RGS22: variants seen among roughly 807,000 people sequenced by gnomAD.
RGS22 encodes regulator of G protein signaling 22.
RGS22 carries 148 observed loss-of-function variants against 172.9 expected under a neutral mutation model. The ratio of observed to expected loss-of-function variants is 0.86; its 90% CI spans 0.75 to 0.98. RGS22 has a LOEUF of 0.98. RGS22 is among the 50% of genes least tolerant of loss of function. RGS22 has a pLI of 0.00. For synonymous variants in RGS22, 458 were observed against 480.2 expected, an observed-to-expected ratio of 0.95 and a Z score of 0.60; for missense variants, 1,347 against 1,440.8, an observed-to-expected ratio of 0.93 and a Z score of 1.05.
Position 99,996,472 on chromosome 8 carries a change from C to A in RGS22, c.3008G>T (p.Gly1003Val), listed in dbSNP as rs1168358419. ...LLLQKAEKKI[G>V]VWKPVESKWI... ...ACAAACATTACTTGCCTTCCAGACC[C>A]CGATTTTCTTTTCAGCCTTCTGTAG... The change falls in exon 20 of 28, where the codon GGG becomes GTG. Residue 1003 changes from glycine to valine, a missense_variant. Transcript: ENST00000360863. 6.2e-7 allele frequency: 1 copy of A among 1,613,084 alleles called. No individual in the cohort carries two copies. Among genetic ancestry groups the A allele is most frequent in the East Asian group, 2.2e-5 (1 of 44,830 alleles).
chr8:100,046,709 C>A (rs192970868), intron 11 of RGS22, among the ~76,000 whole-genome samples: 19 of 151,070 alleles, frequency 1.3e-4, no homozygotes, highest in African/African-American at 4.6e-4. Context: ...CAGCCAAAAC[C>A]CAGAGAATAA....
At chr8:100,071,325 T>G (rs1371506377) in intron 6 of RGS22, 44 bp downstream of exon 6, 1 of 1,464,714 alleles carries the variant, frequency 6.8e-7, no homozygotes, top group Non-Finnish European at 9.2e-7. Context: ...AAATCAGAAG[T>G]GTTAGTGAAG....
Position 100,045,767 on chromosome 8 carries a change from T to G in RGS22, c.1823+1696A>C, listed in dbSNP as rs142469555. ...TATTAATTGTTGAATTAATGTTGAA[T>G]AATTCAACTTTTCTCTCAACTCATG... On this transcript the variant is annotated intron_variant, in intron 11 of 27. Transcript: ENST00000360863. Among the ~76,000 whole-genome samples the G allele has an allele frequency of 2.7e-3, 403 of 151,370 alleles. 2 individuals carry two copies. Among genetic ancestry groups the G allele is most frequent in the African/African-American group, 9.4e-3 (390 of 41,416 alleles).
chr8:100,103,630 G>T (rs1037262052), intron 2 of RGS22, among the ~76,000 whole-genome samples: 1 of 132,904 alleles, frequency 7.5e-6, no homozygotes, highest in African/African-American at 2.5e-5. Context: ...TGGAGATGTG[G>T]AAGTCCCACG....
intron 14 of RGS22, among the ~76,000 whole-genome samples, chr8:100,036,517 A>G (rs907871898): frequency 1.3e-5 from 2 of 152,190 alleles, no homozygotes; most frequent in African/African-American, 4.8e-5. Context: ...AAAATCATGT[A>G]AGTCTCTTGA....
intron 20 of RGS22, among the ~76,000 whole-genome samples, chr8:99,989,508 T>C (rs1344648809): frequency 2.6e-5 from 4 of 152,214 alleles, no homozygotes; most frequent in African/African-American, 7.2e-5. Context: ...TAAGGATGCC[T>C]GAGAGCAGCG....
chr8:100,072,103 T>C (rs1811027153), intron 5 of RGS22, 42 bp downstream of exon 5: 1 of 1,163,718 alleles, frequency 8.6e-7, no homozygotes, highest in Non-Finnish European at 1.3e-6. Flanking sequence ...GAGGCTAATA[T>C]ATATGTATTT....
At position 99,962,389 on chromosome 8, in the gene RGS22, C is replaced by T. The variant is rs781571395; in HGVS notation, c.*45+5G>A. ...GGACCAACCAACATTCAGACTATGA[C>T]GTACCTTGAACCTATCAGCAGCAGG... On this transcript the variant is annotated splice_donor_5th_base_variant and intron_variant, in intron 27 of 27. Transcript: ENST00000360863. 29 of 1,600,596 alleles carry T rather than the reference C, an allele frequency of 1.8e-5. No homozygotes were observed. In the Middle Eastern group the frequency reaches 8.3e-4, roughly 46 times the overall value.
chr8:100,012,460 T>G (rs930313857), intron 14 of RGS22, among the ~76,000 whole-genome samples: 4 of 152,142 alleles, frequency 2.6e-5, no homozygotes, highest in Non-Finnish European at 4.4e-5. Flanking sequence ...CTCATTCCTG[T>G]AGTTTCAACA....
At chr8:100,069,128 A>G (rs1380475667) in intron 6 of RGS22, among the ~76,000 whole-genome samples, 1 of 152,170 alleles carries the variant, frequency 6.6e-6, no homozygotes, top group African/African-American at 2.4e-5. Context: ...TGAAAAAAAA[A>G]AGTTCAAGTA....
intron 19 of RGS22, 72 bp downstream of exon 19, chr8:99,999,190 A>G: frequency 7.6e-7 from 1 of 1,324,024 alleles, no homozygotes; most frequent in Non-Finnish European, 1.0e-6. Flanking sequence ...TGGCTGGGTC[A>G]CCAGGTATGT....
chr8:100,000,163 T>C (rs1285680095), intron 18 of RGS22, among the ~76,000 whole-genome samples: 2 of 152,248 alleles, frequency 1.3e-5, no homozygotes, highest in Non-Finnish European at 2.9e-5. Flanking sequence ...TAACTCATTC[T>C]TGTTTCTACC....
chr8:99,981,042 C>T (rs960269987), intron 22 of RGS22, among the ~76,000 whole-genome samples: 18 of 152,138 alleles, frequency 1.2e-4, no homozygotes, highest in African/African-American at 3.6e-4. Context: ...AGAATAATCG[C>T]CTTTTTCCAT....
chr8:100,074,441 A>T (rs966928880), intron 4 of RGS22, among the ~76,000 whole-genome samples: 1 of 152,112 alleles, frequency 6.6e-6, no homozygotes, highest in African/African-American at 2.4e-5. Context: ...ACTCCCTCCA[A>T]CCCTAGGCTC....
intron 2 of RGS22, among the ~76,000 whole-genome samples, chr8:100,104,335 T>C (rs1171545884): frequency 3.5e-5 from 5 of 141,412 alleles, no homozygotes; most frequent in Non-Finnish European, 6.1e-5. Flanking sequence ...TGTGCGTGTG[T>C]GTGTGTGTGT....
At chr8:99,998,172 T>G (rs1814595958) in intron 19 of RGS22, among the ~76,000 whole-genome samples, 2 of 152,218 alleles carry the variant, frequency 1.3e-5, no homozygotes, top group South Asian at 4.1e-4. Context: ...TTGTATAACC[T>G]TGTCCACTTG....
Position 100,036,765 on chromosome 8 carries a change from ATTTTTAAAT to A in RGS22, c.2166+2157_2166+2165del, listed in dbSNP as rs1477848408. Among the ~76,000 whole-genome samples, 31 of 151,822 alleles carry A rather than the reference ATTTTTAAAT, an allele frequency of 2.0e-4. No homozygotes were observed. The East Asian group carries it at 5.6e-3, about 28-fold the overall frequency. On this transcript the variant is annotated intron_variant, in intron 14 of 27. Coordinates refer to ENST00000360863, the MANE Select transcript of RGS22 (RefSeq NM_015668.5). ...AGGTGCACATCACTATGCCTGGCTA[ATTTTTAAAT>A]TTTTTATAAAGATGCGGTCTCACTT...
chr8:100,097,068 A>G (rs1813033949), intron 2 of RGS22, among the ~76,000 whole-genome samples: 1 of 152,206 alleles, frequency 6.6e-6, no homozygotes, highest in Non-Finnish European at 1.5e-5. Context: ...AAATATAAAT[A>G]TGAGGGGCAA....
At position 100,047,517 on chromosome 8, in the gene RGS22, C is replaced by CA; in HGVS notation, c.1768dup (p.Trp590LeufsTer12). On this transcript the variant is annotated frameshift_variant, in exon 11 of 28. Coordinates refer to ENST00000360863, the MANE Select transcript of RGS22 (RefSeq NM_015668.5). LOFTEE classifies it high-confidence loss of function. ...ACCTGGATACAAAAGCTCCCGCTTC[C>CA]AAGGCTTTTGAGTTGCTGTTTTTAC... is the stretch of plus-strand genomic sequence containing the variant. The CA allele has an allele frequency of 6.2e-7, 1 of 1,612,884 alleles. No homozygotes were observed. Among genetic ancestry groups the CA allele is most frequent in the Non-Finnish European group, 8.5e-7 (1 of 1,179,460 alleles).
Sources: gnomAD v4.1 joint callset for allele counts (sites outside exome capture counted in the v4.1 genomes callset) on GRCh38, gnomAD v4.1.1 for gene constraint, MANE v1.5 for transcripts, NCBI Gene and HGNC (gene_info 2026-07-23, HGNC 2026-07-21) for gene names.